AMN: variants seen among roughly 807,000 people sequenced by gnomAD.
AMN encodes amnion associated transmembrane protein.
Under a neutral mutation model 49.1 loss-of-function variants are expected in AMN, and 40 were observed. The observed-to-expected ratio is 0.81, with a 90% confidence interval of 0.63 to 1.06. The LOEUF is 1.06. Among genes scored for constraint, AMN ranks in the 50% least tolerant of loss-of-function variants. The pLI is 0.00. For synonymous variants in AMN, 380 were observed against 313.3 expected (o/e 1.21, Z -2.25); for missense variants, 701 against 662.8 (o/e 1.06, Z -0.63).
At chr14:102,923,368 C>T (rs1891105872) in intron 1 of AMN, 3 of 382,650 alleles carry the variant, frequency 7.8e-6, no homozygotes, top group South Asian at 6.5e-5. Context: ...CTGCCCCATC[C>T]TCCTCCATGC....
intron 1 of AMN, chr14:102,923,370 C>T (rs1199119774): frequency 7.8e-6 from 3 of 384,376 alleles, no homozygotes; most frequent in African/African-American, 2.1e-5. Flanking sequence ...GCCCCATCCT[C>T]CTCCATGCCC....
Position 102,923,960 on chromosome 14 carries a change from G to T in AMN, c.188G>T (p.Gly63Val). The T allele has an allele frequency of 6.2e-7, 1 of 1,613,276 alleles. No individual in the cohort carries two copies. The highest frequency in any genetic ancestry group is 8.5e-7 in the Non-Finnish European group (1 of 1,180,028). ...ATGGTGTCAGTCCTGGTGCAAGAAGGTCACGCCGTCTCAGACATGGTAAGG... is the reference window on the plus strand; with the variant it reads ...ATGGTGTCAGTCCTGGTGCAAGAAGTTCACGCCGTCTCAGACATGGTAAGG... ...DKMVSVLVQEGHAVSDMLLPL... is the reference protein window; with the variant it reads ...DKMVSVLVQEVHAVSDMLLPL... The change falls in exon 3 of 12, where the codon GGT becomes GTT. Residue 63 changes from glycine to valine, a missense_variant. Physicochemically the swap from Gly to Val is moderately radical, Grantham distance 109 (BLOSUM62 -3). Coordinates refer to ENST00000299155, the MANE Select transcript of AMN (RefSeq NM_030943.4).
chr14:102,929,052 G>T, intron 5 of AMN, 69 bp from the exon 6 acceptor site: 1 of 1,596,846 alleles, frequency 6.3e-7, no homozygotes, highest in Non-Finnish European at 8.5e-7. Flanking sequence ...GTCTGCACAC[G>T]TTGGGTCTGA....
chr14:102,930,239 C>A lies in AMN; in HGVS notation c.1081C>A (p.Leu361Met). The A allele has an allele frequency of 7.2e-7, 1 of 1,386,644 alleles. No individual in the cohort carries two copies. The allele number at this position is 1,386,644 out of a possible 1,614,324, so 85.9% of individuals were successfully genotyped here. ...AHVWGSSAAG[L>M]AGGVAAAVLL... ...CGTCTGGGGCAGCTCCGCGGCTGGG[C>A]TGGCGGGCGGCGTGGCGGCTGCCGT... Residue 361 changes from leucine (L) to methionine (M), a missense_variant, in exon 10 of 12, where the codon CTG becomes ATG. Leu to Met is a conservative substitution (Grantham distance 15). Transcript: ENST00000299155.
chr14:102,929,393 T>C, intron 6 of AMN, 35 bp from the exon 7 acceptor site: 1 of 1,526,700 alleles, frequency 6.6e-7, no homozygotes, highest in Non-Finnish European at 8.7e-7. Flanking sequence ...CGGTCCGCTC[T>C]GGCCCTCCGC....
chr14:102,930,653 G>C lies in AMN; in HGVS notation c.1335G>C (p.Leu445=). The C allele has an allele frequency of 6.3e-7, 1 of 1,596,890 alleles. No individual in the cohort carries two copies. Among genetic ancestry groups the C allele is most frequent in the Non-Finnish European group, 8.5e-7 (1 of 1,173,288 alleles). ...STSHSYFVNP[L]FAGAEAEA ...GCCACAGTTACTTCGTCAACCCTCT[G>C]TTCGCCGGGGCCGAGGCCGAGGCCT... Residue 445 remains leucine, a synonymous_variant, in exon 12 of 12, where the codon CTG becomes CTC. Coordinates refer to ENST00000299155, the MANE Select transcript of AMN (RefSeq NM_030943.4).
intron 3 of AMN, among the ~76,000 whole-genome samples, chr14:102,925,904 C>A (rs1157593529): frequency 6.6e-6 from 1 of 152,158 alleles, no homozygotes; most frequent in African/African-American, 2.4e-5. Context: ...CATCCATCTG[C>A]CTAGATGAGG....
Position 102,929,283 on chromosome 14 carries a change from C to CG in AMN, c.651+30dup, listed in dbSNP as rs1025412027. On this transcript the variant is annotated intron_variant, in intron 6 of 11. Transcript: ENST00000299155. ...GGTGAGCGAGGCCGCAGTGGAGTCG[C>CG]GGGGGCCGCGCGAGGGTCGGGACTG... The CG allele has an allele frequency of 4.4e-5, 63 of 1,435,346 alleles. No individual in the cohort carries two copies. The African/African-American group carries it at 7.6e-4, about 17-fold the overall frequency. 88.9% of individuals were successfully genotyped at this position (1,435,346 alleles called of 1,614,324 possible).
At position 102,930,509 on chromosome 14, in the gene AMN, G is replaced by T. The variant is rs749049449; in HGVS notation, c.1257+16G>T. On this transcript the variant is annotated intron_variant, in intron 11 of 11. Transcript: ENST00000299155. ...CGAGGAGCTGGTGAGGGGGCTGGAG[G>T]GGGGACCGGGGCCTCCTCGGGGCCG... 3 of 1,539,370 alleles carry T rather than the reference G, an allele frequency of 1.9e-6. No individual in the cohort carries two copies. Among genetic ancestry groups the T allele is most frequent in the East Asian group, 2.5e-5 (1 of 40,690 alleles).
At position 102,929,632 on chromosome 14, in the gene AMN, T is replaced by G. The variant is rs983550174; in HGVS notation, c.761-23T>G. The stretch of plus-strand genomic sequence containing the variant: ...CCTGCCGGGCCCGGATCCACGGCGC[T>G]GACCCCTGCCCTCCCGCCGCAGGAG... On this transcript the variant is annotated intron_variant, in intron 7 of 11. Coordinates refer to ENST00000299155, the MANE Select transcript of AMN (RefSeq NM_030943.4). The G allele has an allele frequency of 8.8e-5, 137 of 1,548,408 alleles. No homozygotes were observed. The highest frequency in any genetic ancestry group is 1.2e-4 in the Non-Finnish European group (134 of 1,146,750).
intron 3 of AMN, 81 bp from the exon 4 acceptor site, chr14:102,928,345 T>C (rs1891234397): frequency 7.5e-7 from 1 of 1,326,680 alleles, no homozygotes; most frequent in African/African-American, 1.5e-5. Context: ...CGGCTTCTCG[T>C]CCCAGGGGAC....
chr14:102,929,607 C>G, intron 7 of AMN, 48 bp from the exon 8 acceptor site: 2 of 1,547,726 alleles, frequency 1.3e-6, no homozygotes, highest in Non-Finnish European at 1.7e-6. Context: ...GCCTCAGTTT[C>G]CTGCCGGGCC....
At chr14:102,927,847 G>A (rs1891221672) in intron 3 of AMN, among the ~76,000 whole-genome samples, 1 of 152,180 alleles carries the variant, frequency 6.6e-6, no homozygotes, top group East Asian at 1.9e-4. Flanking sequence ...CTTCTGTGGT[G>A]CGGGAGCTGC....
At chr14:102,925,371 G>A (rs1891162288) in intron 3 of AMN, among the ~76,000 whole-genome samples, 1 of 152,234 alleles carries the variant, frequency 6.6e-6, no homozygotes, top group African/African-American at 2.4e-5. Context: ...CTTCCTTCAG[G>A]TTTTCCAAAG....
intron 1 of AMN, 141 bp from the exon 2 acceptor site, chr14:102,923,570 G>C: frequency 1.2e-6 from 1 of 809,222 alleles, no homozygotes. Context: ...ACCAGGGTCT[G>C]GGTCCGGGCC....
intron 3 of AMN, among the ~76,000 whole-genome samples, chr14:102,926,000 G>C (rs1355241700): frequency 6.6e-6 from 1 of 152,098 alleles, no homozygotes; most frequent in East Asian, 1.9e-4. Context: ...CCTTTTCCTT[G>C]CCCTTCCTCC....
chr14:102,930,424 GGCGGCCCCGGCTGGA>G lies in AMN; in HGVS notation c.1192_1206del (p.Ala398_Ala402del). On this transcript the variant is annotated inframe_deletion, in exon 11 of 12. Coordinates refer to ENST00000299155, the MANE Select transcript of AMN (RefSeq NM_030943.4). ...CCCTCAGGTGGAGGAGGCACGAGGC[GGCGGCCCCGGCTGGA>G]GCGCCCCTCGGCTTCCGCAACCCGG... 6.6e-7 allele frequency: 1 copy of G among 1,520,490 alleles called. No homozygotes were observed. Among genetic ancestry groups the G allele is most frequent in the Non-Finnish European group, 8.8e-7 (1 of 1,139,942 alleles). The allele number at this position is 1,520,490 out of a possible 1,614,324, so 94.2% of individuals were successfully genotyped here.
Position 102,925,254 on chromosome 14 carries a change from C to T in AMN, c.207+1275C>T, listed in dbSNP as rs541017851. Reference sequence around the variant, plus strand: ...GTGGGGTCCAGGCCTGGGGCCCCCGCGTGTGCGGGTGGGGAGGATGGCTCA... The same window carrying T: ...GTGGGGTCCAGGCCTGGGGCCCCCGTGTGTGCGGGTGGGGAGGATGGCTCA... On this transcript the variant is annotated intron_variant, in intron 3 of 11. Coordinates refer to ENST00000299155, the MANE Select transcript of AMN (RefSeq NM_030943.4). 5.9e-4 allele frequency among the ~76,000 whole-genome samples: 90 copies of T among 152,364 alleles called. 1 individual carries two copies. Among genetic ancestry groups the T allele is most frequent in the African/African-American group, 1.9e-3 (79 of 41,590 alleles).
At chr14:102,928,603 G>A in intron 4 of AMN, 90 bp downstream of exon 4, 1 of 1,507,364 alleles carries the variant, frequency 6.6e-7, no homozygotes, top group Non-Finnish European at 8.9e-7. Context: ...GCGAGGACCG[G>A]AGGGAGGGCG....
Sources: gnomAD v4.1 joint callset for allele counts (sites outside exome capture counted in the v4.1 genomes callset) on GRCh38, gnomAD v4.1.1 for gene constraint, MANE v1.5 for transcripts, NCBI Gene and HGNC (gene_info 2026-07-23, HGNC 2026-07-21) for gene names.